Variants in BCAS3 observed in about 807,000 individuals in gnomAD.
The protein encoded by BCAS3 is BCAS3 microtubule associated cell migration factor, also known as BCAS4/BCAS3 fusion.
A neutral mutation model predicts 116.1 loss-of-function variants in BCAS3; 53 were observed. The ratio of observed to expected loss-of-function variants is 0.46; its 90% confidence interval spans 0.37 to 0.57. The LOEUF (loss-of-function observed/expected upper bound fraction) is 0.57. Ranked by LOEUF, BCAS3 falls within the 20% of genes least tolerant of loss-of-function variation. BCAS3 has a pLI of 0.00. For missense variants in BCAS3, 917 were observed against 1,165.4 expected (o/e 0.79, Z 3.10); for synonymous variants, 391 against 408.2 (o/e 0.96, Z 0.51).
At chr17:60,684,962 A>G (rs1377428380) in intron 3 of BCAS3, among the ~76,000 whole-genome samples, 1 of 152,208 alleles carries the variant, frequency 6.6e-6, no homozygotes, top group Middle Eastern at 3.2e-3. Context: ...AGTAGAAGGA[A>G]AATTAAATTC....
intron 22 of BCAS3, among the ~76,000 whole-genome samples, chr17:61,305,666 C>T (rs977916189): frequency 2.6e-5 from 4 of 152,058 alleles, no homozygotes; most frequent in Admixed American, 6.5e-5. Context: ...GAGGCTGAGG[C>T]GGGCGGATCA....
chr17:60,799,191 T>A (rs2047477433), intron 6 of BCAS3, among the ~76,000 whole-genome samples: 1 of 152,216 alleles, frequency 6.6e-6, no homozygotes. Context: ...AAACCATTTT[T>A]AAAGCAATTC....
At position 60,792,788 on chromosome 17, in the gene BCAS3, C is replaced by A. The variant is rs1032189901; in HGVS notation, c.404-15216C>A. On this transcript the variant is annotated intron_variant, in intron 6 of 23. Coordinates refer to ENST00000407086, the MANE Select transcript of BCAS3 (RefSeq NM_017679.5). ...CTGACTGAAGCCCTCATCAGATGCT[C>A]AATATTGAACTTTCCAGCCACTAGA... Among the ~76,000 whole-genome samples the A allele has an allele frequency of 9.9e-5, 15 of 152,120 alleles. 1 individual carries two copies. The highest frequency in any genetic ancestry group is 9.8e-4 in the Admixed American group (15 of 15,270).
intron 7 of BCAS3, among the ~76,000 whole-genome samples, chr17:60,845,185 C>T (rs1200402594): frequency 1.3e-5 from 2 of 152,134 alleles, no homozygotes; most frequent in Non-Finnish European, 2.9e-5. Context: ...GCCAAGATTG[C>T]GCCATTGCAC....
In BCAS3 at chr17:61,354,558, G is replaced by A. The variant is rs2058042848; in HGVS notation, c.2426-13769G>A. On this transcript the variant is annotated intron_variant, in intron 22 of 23. Coordinates refer to ENST00000407086, the MANE Select transcript of BCAS3 (RefSeq NM_017679.5). The surrounding 1 kb of genome is among the most constrained non-coding windows in gnomAD (Gnocchi z 4.5). ...GCTGCTGCTTAGCCTGCTCTTCTCA[G>A]GCCAAGTCTTTGTTGAACAGCTTCA... is the stretch of plus-strand genomic sequence containing the variant. The A allele has an allele frequency of 6.6e-6, 1 of 152,238 alleles. No individual in the cohort carries two copies. Among genetic ancestry groups the A allele is most frequent in the South Asian group, 2.1e-4 (1 of 4,832 alleles). 9.4% of individuals were successfully genotyped at this position (152,238 alleles called of 1,614,324 possible).
chr17:60,750,629 G>A (rs1260439354), intron 6 of BCAS3, among the ~76,000 whole-genome samples: 2 of 152,184 alleles, frequency 1.3e-5, no homozygotes, highest in Non-Finnish European at 2.9e-5. Context: ...CTGCATAGAA[G>A]GTTCTGTAAA....
Position 61,344,483 on chromosome 17 carries a change from G to A in BCAS3, c.2426-23844G>A, listed in dbSNP as rs1041966701. The stretch of plus-strand genomic sequence containing the variant: ...ACTATAGAGACTTTAAAGAAGGTGG[G>A]TCCTAAGTTTTGAGGGTACCATGGA... On this transcript the variant is annotated intron_variant, in intron 22 of 23. Transcript: ENST00000407086. This position sits in a 1 kb window ranked among gnomAD's most constrained non-coding sequence, Gnocchi z 4.1. 1.1e-4 allele frequency among the ~76,000 whole-genome samples: 17 copies of A among 152,166 alleles called. No individual in the cohort carries two copies. The highest frequency in any genetic ancestry group is 7.9e-4 in the Admixed American group (12 of 15,282).
intron 19 of BCAS3, among the ~76,000 whole-genome samples, chr17:61,053,607 C>T (rs1322653042): frequency 6.6e-6 from 1 of 152,210 alleles, no homozygotes; most frequent in Non-Finnish European, 1.5e-5. Flanking sequence ...GATTGCATTG[C>T]TGTTGTGGTA....
intron 7 of BCAS3, among the ~76,000 whole-genome samples, chr17:60,819,672 A>G (rs2049750596): frequency 6.6e-6 from 1 of 152,214 alleles, no homozygotes; most frequent in Non-Finnish European, 1.5e-5. Flanking sequence ...GAGAGTTTAA[A>G]TAAAATAACA....
intron 4 of BCAS3, among the ~76,000 whole-genome samples, chr17:60,695,625 G>T (rs1377695747): frequency 1.3e-5 from 2 of 152,072 alleles, no homozygotes; most frequent in African/African-American, 4.8e-5. Flanking sequence ...TTAGAGACAA[G>T]TCTTGCTGTG....
intron 22 of BCAS3, among the ~76,000 whole-genome samples, chr17:61,318,479 C>A (rs1182737751): frequency 6.6e-6 from 1 of 152,178 alleles, no homozygotes; most frequent in Admixed American, 6.5e-5. Flanking sequence ...GTGACATCAG[C>A]AGCCCCTCTT....
intron 20 of BCAS3, 26 bp from the exon 21 acceptor site, chr17:61,078,307 A>C (rs2072220729): frequency 1.3e-6 from 2 of 1,578,254 alleles, no homozygotes; most frequent in Admixed American, 1.7e-5. Context: ...CAAACCATTT[A>C]AATCATCATT....
Position 61,029,053 on chromosome 17 carries a change from G to A in BCAS3, c.1638-5613G>A, listed in dbSNP as rs1356011236. Among the ~76,000 whole-genome samples the A allele has an allele frequency of 4.0e-5, 6 of 151,744 alleles. No homozygotes were observed. Among genetic ancestry groups the A allele is most frequent in the Non-Finnish European group, 8.8e-5 (6 of 67,800 alleles). The stretch of plus-strand genomic sequence containing the variant: ...GCATTCAACCTGAGAATGTTTTTAT[G>A]TACTGTTCTGAAATAAAACATTATA... On this transcript the variant is annotated intron_variant, in intron 16 of 23. Coordinates refer to ENST00000407086, the MANE Select transcript of BCAS3 (RefSeq NM_017679.5). The surrounding 1 kb of genome is among the most constrained non-coding windows in gnomAD (Gnocchi z 5.2).
intron 22 of BCAS3, among the ~76,000 whole-genome samples, chr17:61,357,949 A>G (rs1204500602): frequency 3.3e-5 from 5 of 151,848 alleles, no homozygotes; most frequent in African/African-American, 1.2e-4. Context: ...TTAGCTGGGC[A>G]TGGTGGCACA....
At chr17:60,954,907 A>G (rs1220202121) in intron 14 of BCAS3, among the ~76,000 whole-genome samples, 1 of 152,200 alleles carries the variant, frequency 6.6e-6, no homozygotes, top group Non-Finnish European at 1.5e-5. Flanking sequence ...TTAGAAGTAT[A>G]TTCATTGGAT....
chr17:61,332,608 TTTA>T lies in BCAS3; in HGVS notation c.2426-35710_2426-35708del, dbSNP rs2056380702. Reference sequence around the variant, plus strand: ...GACATAGGAATTATTATCCCCATCTTTTATTATTATTTTTTTTTATTTTTTGAG... The same window carrying T: ...GACATAGGAATTATTATCCCCATCTTTTATTATTTTTTTTTATTTTTTGAG... On this transcript the variant is annotated intron_variant, in intron 22 of 23. Transcript: ENST00000407086. This position sits in a 1 kb window ranked among gnomAD's most constrained non-coding sequence, Gnocchi z 5.4. Among the ~76,000 whole-genome samples the T allele has an allele frequency of 1.3e-5, 2 of 152,248 alleles. No individual in the cohort carries two copies. The highest frequency in any genetic ancestry group is 1.3e-4 in the Admixed American group (2 of 15,290).
chr17:61,321,984 A>G (rs2055257039), intron 22 of BCAS3, among the ~76,000 whole-genome samples: 1 of 151,938 alleles, frequency 6.6e-6, no homozygotes, highest in Non-Finnish European at 1.5e-5. Flanking sequence ...CCCAGGCTGG[A>G]GTGCAGTGGC....
At chr17:61,305,195 A>G (rs1201842263) in intron 22 of BCAS3, among the ~76,000 whole-genome samples, 1 of 152,188 alleles carries the variant, frequency 6.6e-6, no homozygotes, top group Non-Finnish European at 1.5e-5. Flanking sequence ...TGAATGAAGC[A>G]ACATCTCTTG....
intron 6 of BCAS3, among the ~76,000 whole-genome samples, chr17:60,798,550 G>T (rs541830208): frequency 1.3e-5 from 2 of 152,202 alleles, no homozygotes; most frequent in South Asian, 4.2e-4. Flanking sequence ...TTAGTCTGTT[G>T]TTTGGATATA....
Sources: allele counts gnomAD v4.1 joint callset (sites outside exome capture counted in the v4.1 genomes callset), GRCh38; gene constraint gnomAD v4.1.1; non-coding constraint Gnocchi (gnomAD v3.1); transcripts MANE v1.5; gene names NCBI Gene and HGNC (gene_info 2026-07-23, HGNC 2026-07-21).